The following EYS variants were observed in gnomAD, a reference collection of about 807,000 sequenced individuals.
EYS encodes the protein EGF-like photoreceptor maintenance factor, also known as protein eyes shut homolog.
In EYS, 250 loss-of-function variants were observed where a neutral mutation model predicts 282.1. The observed-to-expected ratio is 0.89, with a 90% CI of 0.80 to 0.98. The LOEUF (loss-of-function observed/expected upper bound fraction) is 0.98. Among genes scored for constraint, EYS ranks in the 50% least tolerant of loss-of-function variants. EYS has a pLI of 0.00. For missense variants in EYS, 4,016 were observed against 3,709.0 expected, an observed-to-expected ratio of 1.08 and a Z score of -2.15; for synonymous variants, 1,355 against 1,282.9, an observed-to-expected ratio of 1.06 and a Z score of -1.20.
intron 14 of EYS, among the ~76,000 whole-genome samples, chr6:64,985,119 G>A (rs1437290765): frequency 6.6e-6 from 1 of 151,544 alleles, no homozygotes; most frequent in Non-Finnish European, 1.5e-5. Flanking sequence ...CCTGGTTGTA[G>A]CAATTGAACT....
intron 26 of EYS, among the ~76,000 whole-genome samples, chr6:64,547,321 C>T (rs1293069421): frequency 6.6e-6 from 1 of 152,088 alleles, no homozygotes; most frequent in Admixed American, 6.5e-5. Flanking sequence ...TTACAGAGAG[C>T]CGACTGCTCC....
Position 65,022,407 on chromosome 6 carries a change from T to C in EYS, c.2138-24704A>G, listed in dbSNP as rs113762911. Among the ~76,000 whole-genome samples the C allele has an allele frequency of 6.7e-4, 102 of 152,244 alleles. 2 individuals carry two copies. The Middle Eastern group carries it at 0.01, about 15-fold the overall frequency. ...CTGGTGTAGCATTGGTGGTGTTAGGTGGATTTTAAGCAGGAAGAGGAGTAC... is the reference window on the plus strand; with the variant it reads ...CTGGTGTAGCATTGGTGGTGTTAGGCGGATTTTAAGCAGGAAGAGGAGTAC... On this transcript the variant is annotated intron_variant, in intron 13 of 42. Coordinates refer to ENST00000503581, the MANE Select transcript of EYS (RefSeq NM_001142800.2).
At chr6:64,729,868 T>C (rs191317233) in intron 22 of EYS, among the ~76,000 whole-genome samples, 1 of 152,198 alleles carries the variant, frequency 6.6e-6, no homozygotes, top group African/African-American at 2.4e-5. Context: ...ATTGTGAAAC[T>C]ATTGGTTTAA....
intron 8 of EYS, among the ~76,000 whole-genome samples, chr6:65,358,831 A>G (rs921693476): frequency 5.3e-5 from 8 of 152,068 alleles, no homozygotes; most frequent in Non-Finnish European, 1.0e-4. Context: ...ATAGGTGTTT[A>G]TAAGTTGCTA....
At chr6:65,167,060 G>A (rs959182612) in intron 12 of EYS, among the ~76,000 whole-genome samples, 7 of 151,196 alleles carry the variant, frequency 4.6e-5, no homozygotes. Flanking sequence ...GTAAAATGTG[G>A]AGAAATGGAA....
At chr6:65,373,915 G>A (rs983708547) in intron 8 of EYS, among the ~76,000 whole-genome samples, 2 of 152,084 alleles carry the variant, frequency 1.3e-5, no homozygotes, top group African/African-American at 2.4e-5. Context: ...CTTATTACAA[G>A]TCATATTTTC....
In EYS at chr6:65,676,715, G is replaced by A. The variant is rs189037613; in HGVS notation, c.-448+30420C>T. On this transcript the variant is annotated intron_variant, in intron 1 of 42. Coordinates refer to ENST00000503581, the MANE Select transcript of EYS (RefSeq NM_001142800.2). ...CTTCCAACATCATTTTATGAGGCCA[G>A]CCTTATTCTGAGATTAAAGCTAGAT... 1.2e-3 allele frequency among the ~76,000 whole-genome samples: 180 copies of A among 151,870 alleles called. 1 individual carries two copies. Among genetic ancestry groups the A allele is most frequent in the African/African-American group, 4.0e-3 (166 of 41,500 alleles).
intron 13 of EYS, among the ~76,000 whole-genome samples, chr6:65,042,269 G>GA (rs1772960597): frequency 1.3e-5 from 2 of 151,384 alleles, no homozygotes; most frequent in South Asian, 4.1e-4. Context: ...ATTTCTTGTA[G>GA]ATTGAATAAA....
At chr6:65,321,078 A>G (rs1186576938) in intron 11 of EYS, among the ~76,000 whole-genome samples, 3 of 151,782 alleles carry the variant, frequency 2.0e-5, no homozygotes, top group African/African-American at 7.3e-5. Flanking sequence ...GGATAACTCA[A>G]CCCATGGCAG....
intron 24 of EYS, among the ~76,000 whole-genome samples, chr6:64,596,034 C>T (rs1028576436): frequency 1.3e-5 from 2 of 152,018 alleles, no homozygotes; most frequent in African/African-American, 4.8e-5. Flanking sequence ...AGGGAGGAGG[C>T]ACATCACATG....
chr6:64,574,097 T>C (rs940162994), intron 26 of EYS, among the ~76,000 whole-genome samples: 5 of 151,984 alleles, frequency 3.3e-5, no homozygotes, highest in Non-Finnish European at 5.9e-5. Context: ...TATGCAGCCA[T>C]AAAAAAGGAT....
At position 64,299,995 on chromosome 6, in the gene EYS, G is replaced by A. The variant is rs6901090; in HGVS notation, c.6191+6975C>T. On this transcript the variant is annotated intron_variant, in intron 30 of 42. Coordinates refer to ENST00000503581, the MANE Select transcript of EYS (RefSeq NM_001142800.2). ...GCCAAAATAACAAAGAGGAAATGGA[G>A]GTTTGCCTGAGTCCCCTCCTCTAAT... is the stretch of plus-strand genomic sequence containing the variant. 7.4e-3 allele frequency among the ~76,000 whole-genome samples: 1,122 copies of A among 152,162 alleles called. 11 individuals carry two copies. The highest frequency in any genetic ancestry group is 0.026 in the African/African-American group (1,061 of 41,498).
At chr6:64,453,642 T>C (rs999255471) in intron 26 of EYS, among the ~76,000 whole-genome samples, 1 of 152,020 alleles carries the variant, frequency 6.6e-6, no homozygotes, top group Non-Finnish European at 1.5e-5. Context: ...ATTAAGAAAA[T>C]GTGTCACATT....
intron 26 of EYS, among the ~76,000 whole-genome samples, chr6:64,584,456 T>C (rs1168043001): frequency 6.6e-6 from 1 of 151,742 alleles, no homozygotes; most frequent in Admixed American, 6.6e-5. Flanking sequence ...GAAATTATAT[T>C]TTAATGCTTT....
At chr6:64,355,764 TC>T (rs1561948169) in intron 29 of EYS, among the ~76,000 whole-genome samples, 2 of 151,582 alleles carry the variant, frequency 1.3e-5, no homozygotes, top group African/African-American at 4.8e-5. Context: ...CAAAGATGAA[TC>T]AATCAGGCAG....
intron 19 of EYS, among the ~76,000 whole-genome samples, chr6:64,841,220 G>A (rs1456790713): frequency 6.6e-6 from 1 of 152,002 alleles, no homozygotes; most frequent in Non-Finnish European, 1.5e-5. Context: ...ATGAAAGGCA[G>A]AACAACACTT....
intron 30 of EYS, among the ~76,000 whole-genome samples, chr6:64,294,665 C>T (rs150885927): frequency 1.8e-3 from 268 of 152,240 alleles, no homozygotes; most frequent in African/African-American, 6.2e-3. Context: ...TGTTATTTGA[C>T]TTTTTCACTG....
At chr6:64,079,788 G>A (rs1392457681) in intron 32 of EYS, among the ~76,000 whole-genome samples, 1 of 152,010 alleles carries the variant, frequency 6.6e-6, no homozygotes, top group Non-Finnish European at 1.5e-5. Context: ...TGTTCTCATT[G>A]TTCAATTCCC....
At chr6:65,448,620 C>T (rs1482854680) in intron 5 of EYS, among the ~76,000 whole-genome samples, 1 of 151,988 alleles carries the variant, frequency 6.6e-6, no homozygotes, top group African/African-American at 2.4e-5. Flanking sequence ...GGCACACACA[C>T]TCATATACAT....
Sources: gnomAD v4.1 joint callset for allele counts (sites outside exome capture counted in the v4.1 genomes callset) on GRCh38, gnomAD v4.1.1 for gene constraint, MANE v1.5 for transcripts, NCBI Gene and HGNC (gene_info 2026-07-23, HGNC 2026-07-21) for gene names.